Variants in SLC71A1 observed in about 807,000 individuals in gnomAD.
The protein encoded by SLC71A1 is solute carrier family 71 member 1.
At chr1:100,069,016 A>C in the SLC71A1 span, among the ~76,000 whole-genome samples, 1 of 152,054 alleles carries the variant, frequency 6.6e-6, no homozygotes, top group Non-Finnish European at 1.5e-5. Context: ...AATAAAAAGA[A>C]TATTATTTGG....
At chr1:100,075,132 G>C in the SLC71A1 span, among the ~76,000 whole-genome samples, 1 of 152,164 alleles carries the variant, frequency 6.6e-6, no homozygotes, top group Non-Finnish European at 1.5e-5. Flanking sequence ...CTCTGCTTGA[G>C]AAGTGTCAGC....
chr1:100,081,039 C>A, the SLC71A1 span, among the ~76,000 whole-genome samples: 1 of 152,206 alleles, frequency 6.6e-6, no homozygotes, highest in African/African-American at 2.4e-5. Context: ...TCCCTCTTTT[C>A]AACTGAAAAT....
chr1:100,064,288 T>C, the SLC71A1 span, among the ~76,000 whole-genome samples: 2 of 152,044 alleles, frequency 1.3e-5, no homozygotes, highest in Non-Finnish European at 2.9e-5. Flanking sequence ...CCCACCACCA[T>C]GCCCAGCTAA....
chr1:100,040,530 G>A, the SLC71A1 span, among the ~76,000 whole-genome samples: 2 of 152,016 alleles, frequency 1.3e-5, no homozygotes, highest in East Asian at 1.9e-4. Context: ...GCAGGATCTC[G>A]GCTCACTGTA....
the SLC71A1 span, among the ~76,000 whole-genome samples, chr1:100,064,760 A>G: frequency 2.3e-3 from 329 of 142,912 alleles, 3 homozygotes; most frequent in African/African-American, 8.4e-3. Flanking sequence ...GTCCTGCTCT[A>G]TCCCCCAGGC....
the SLC71A1 span, among the ~76,000 whole-genome samples, chr1:100,058,970 A>G: frequency 5.3e-5 from 8 of 152,012 alleles, no homozygotes; most frequent in African/African-American, 1.9e-4. Flanking sequence ...AAACCACATC[A>G]TAACAGATTC....
chr1:100,038,743 G>A, the SLC71A1 span, among the ~76,000 whole-genome samples: 1 of 152,256 alleles, frequency 6.6e-6, no homozygotes, highest in Admixed American at 6.5e-5. Context: ...AACCATCCCT[G>A]CTCTCCCATA....
the SLC71A1 span, among the ~76,000 whole-genome samples, chr1:100,065,222 T>C: frequency 6.6e-6 from 1 of 152,222 alleles, no homozygotes; most frequent in African/African-American, 2.4e-5. Flanking sequence ...CATCAGTTGA[T>C]GGACATTTGA....
At chr1:100,083,222 AGAACT>A in the SLC71A1 span, 2 of 152,574 alleles carry the variant, frequency 1.3e-5, no homozygotes, top group South Asian at 4.1e-4. Flanking sequence ...TTGTATATAA[AGAACT>A]GTATAGTTTA....
the SLC71A1 span, among the ~76,000 whole-genome samples, chr1:100,054,736 C>A: frequency 6.6e-6 from 1 of 152,120 alleles, no homozygotes; most frequent in African/African-American, 2.4e-5. Flanking sequence ...AGTTAAGATC[C>A]ATAAAATTTT....
chr1:100,046,212 GTTTTTTTTTTTTTTTTTTTTTTT>G, the SLC71A1 span, among the ~76,000 whole-genome samples: 11 of 54,078 alleles, frequency 2.0e-4, no homozygotes, highest in African/African-American at 6.5e-4. Flanking sequence ...TCCAAGCCTC[GTTTTTTTTTTTTTTTTTTTTTTT>G]TTTTTTTTTG....
chr1:100,062,176 T>C, the SLC71A1 span: 20 of 406,842 alleles, frequency 4.9e-5, no homozygotes, highest in Non-Finnish European at 8.2e-5. Flanking sequence ...CATGTCAGAA[T>C]TGAAATTATA....
the SLC71A1 span, chr1:100,043,033 G>A: frequency 3.1e-6 from 3 of 957,216 alleles, 1 homozygote; most frequent in South Asian, 1.5e-4. Context: ...GTTTAGATTG[G>A]TGTGTTTGGG....
chr1:100,039,757 A>G, the SLC71A1 span, among the ~76,000 whole-genome samples: 1 of 152,242 alleles, frequency 6.6e-6, no homozygotes, highest in South Asian at 2.1e-4. Context: ...TGTATTTTGT[A>G]AGACCAAGTG....
the SLC71A1 span, among the ~76,000 whole-genome samples, chr1:100,073,029 A>G: frequency 2.6e-5 from 4 of 152,112 alleles, no homozygotes; most frequent in Non-Finnish European, 2.9e-5. Context: ...CGCCACCCCT[A>G]TGCTCCTCAT....
the SLC71A1 span, among the ~76,000 whole-genome samples, chr1:100,071,289 CAAAAAAAAA>C: frequency 1.5e-4 from 8 of 53,340 alleles, no homozygotes; most frequent in African/African-American, 1.9e-4. Context: ...CCATCTCTAC[CAAAAAAAAA>C]AAAAAAAAAA....
the SLC71A1 span, among the ~76,000 whole-genome samples, chr1:100,043,404 T>C: frequency 6.6e-5 from 10 of 152,122 alleles, no homozygotes; most frequent in African/African-American, 2.4e-4. Flanking sequence ...TCCAGTACTT[T>C]ATAACAAAGA....
the SLC71A1 span, chr1:100,068,108 T>C: frequency 1.2e-6 from 2 of 1,614,238 alleles, no homozygotes; most frequent in Admixed American, 3.3e-5. Context: ...GTTTTATCCT[T>C]GTTGCTGTGC....
At chr1:100,072,310 T>G in the SLC71A1 span, among the ~76,000 whole-genome samples, 2,175 of 152,304 alleles carry the variant, frequency 0.014, 31 homozygotes, top group Middle Eastern at 0.058. Context: ...CCCACGTGCT[T>G]TTGTTCCTGC....
Sources: gnomAD v4.1 joint callset for allele counts (sites outside exome capture counted in the v4.1 genomes callset) on GRCh38, gnomAD v4.1.1 for gene constraint, MANE v1.5 for transcripts, NCBI Gene and HGNC (gene_info 2026-07-23, HGNC 2026-07-21) for gene names.